CDK5RAP2: variants seen among roughly 807,000 people sequenced by gnomAD.
CDK5RAP2 encodes the protein CDK5 regulatory subunit associated protein 2, also known as CDK5 regulatory subunit-associated protein 2.
CDK5RAP2 carries 147 observed loss-of-function variants against 232.9 expected under a neutral mutation model. The ratio of observed to expected loss-of-function variants is 0.63; its 90% CI spans 0.55 to 0.72. CDK5RAP2 has a LOEUF of 0.72. CDK5RAP2 is among the 30% of genes least tolerant of loss of function. The probability of loss-of-function intolerance (pLI) is 0.00; values close to 1 mark genes in which losing one functional copy is unlikely to be tolerated. For synonymous variants in CDK5RAP2, 833 were observed against 833.7 expected, an observed-to-expected ratio of 1.00 and a Z score of 0.01; for missense variants, 2,195 against 2,231.5, an observed-to-expected ratio of 0.98 and a Z score of 0.33.
chr9:120,396,296 T>C (rs984591413), intron 35 of CDK5RAP2, among the ~76,000 whole-genome samples: 1 of 152,226 alleles, frequency 6.6e-6, no homozygotes, highest in African/African-American at 2.4e-5. Context: ...TAGGTTCTGG[T>C]CATGGCTCCA....
chr9:120,482,752 G>A (rs781213823), intron 14 of CDK5RAP2, among the ~76,000 whole-genome samples: 4 of 152,156 alleles, frequency 2.6e-5, no homozygotes, highest in Non-Finnish European at 5.9e-5. Context: ...AGGTAAGAGG[G>A]GAACTCAGAG....
chr9:120,561,151 A>G lies in CDK5RAP2; in HGVS notation c.195+7170T>C, dbSNP rs566271846. Among the ~76,000 whole-genome samples the G allele has an allele frequency of 5.3e-5, 8 of 152,306 alleles. No individual in the cohort carries two copies. In the South Asian group the frequency reaches 1.7e-3, roughly 32 times the overall value. ...TCTAGTAAACAATACTGCATGTAAG[A>G]TAATACTGCCTACAGCAGCTAAGTG... On this transcript the variant is annotated intron_variant, in intron 3 of 37. Coordinates refer to ENST00000349780, the MANE Select transcript of CDK5RAP2 (RefSeq NM_018249.6).
chr9:120,445,187 G>A (rs1162154425), intron 22 of CDK5RAP2, among the ~76,000 whole-genome samples: 2 of 152,188 alleles, frequency 1.3e-5, no homozygotes, highest in Non-Finnish European at 2.9e-5. Context: ...CAAAGTTGTG[G>A]TCATTTCTTT....
At chr9:120,514,394 G>C (rs753371698) in intron 12 of CDK5RAP2, among the ~76,000 whole-genome samples, 1 of 152,084 alleles carries the variant, frequency 6.6e-6, no homozygotes, top group Non-Finnish European at 1.5e-5. Flanking sequence ...ACACCCTTCT[G>C]CCAAGGCACA....
intron 3 of CDK5RAP2, among the ~76,000 whole-genome samples, chr9:120,563,288 G>C (rs774407093): frequency 1.3e-5 from 2 of 152,204 alleles, no homozygotes; most frequent in Admixed American, 6.5e-5. Flanking sequence ...TGTGTGGCTA[G>C]AGCAGTGTAC....
At chr9:120,409,451 A>C in intron 29 of CDK5RAP2, 135 bp from the exon 30 acceptor site, 1 of 718,786 alleles carries the variant, frequency 1.4e-6, no homozygotes, top group Middle Eastern at 2.9e-4. Context: ...CATTCCAATT[A>C]TCTTACACAC....
intron 35 of CDK5RAP2, among the ~76,000 whole-genome samples, chr9:120,396,787 C>T (rs1184922216): frequency 1.3e-5 from 2 of 152,216 alleles, no homozygotes; most frequent in African/African-American, 4.8e-5. Flanking sequence ...GTACTTACAA[C>T]AGGGAATTTT....
At chr9:120,421,408 G>GA (rs2131375640) in intron 26 of CDK5RAP2, among the ~76,000 whole-genome samples, 2 of 152,294 alleles carry the variant, frequency 1.3e-5, no homozygotes, top group Non-Finnish European at 2.9e-5. Flanking sequence ...GCTGCAATGG[G>GA]AGAAGAGTAT....
In CDK5RAP2 at chr9:120,407,155, C is replaced by T; in HGVS notation, c.4820G>A (p.Arg1607Lys). The T allele has an allele frequency of 1.2e-6, 2 of 1,614,054 alleles. No homozygotes were observed. Among genetic ancestry groups the T allele is most frequent in the East Asian group, 4.5e-5 (2 of 44,882 alleles). The change falls in exon 32 of 38, where the codon AGG becomes AAG. Residue 1607 changes from arginine to lysine, a missense_variant. By Grantham distance (26) the Arg-to-Lys change is conservative. Transcript: ENST00000349780. ...CAGAGTGCTGCTGGTTTCGATGCTC[C>T]TTTCTAGTTGCAAGCGCAGAGCCTG... is the stretch of plus-strand genomic sequence containing the variant. ...EIQALRLQLE[R>K]SIETSSTLQS...
rs886063391 is a variant in CDK5RAP2 at position 120,403,052 on chromosome 9, G to A, written c.5061C>T (p.Leu1687=). Residue 1687 remains leucine (L), a synonymous_variant, in exon 34 of 38, where the codon CTC becomes CTT. Transcript: ENST00000349780. The surrounding 1 kb of genome is among the most constrained non-coding windows in gnomAD (Gnocchi z 4.2). ...TPKSVSETPP[L]SGNDTDSLSC... is the part of the protein sequence containing the mutation. Reference sequence around the variant, plus strand: ...AGAGGGAGTCCGTGTCATTCCCAGAGAGTGGAGGAGTCTCTGAAACTGTAA... The same window carrying A: ...AGAGGGAGTCCGTGTCATTCCCAGAAAGTGGAGGAGTCTCTGAAACTGTAA... 1.2e-6 allele frequency: 2 copies of A among 1,614,022 alleles called. No homozygotes were observed. Among genetic ancestry groups the A allele is most frequent in the South Asian group, 1.1e-5 (1 of 91,076 alleles).
At chr9:120,512,634 A>C (rs766348287) in intron 12 of CDK5RAP2, among the ~76,000 whole-genome samples, 1 of 152,206 alleles carries the variant, frequency 6.6e-6, no homozygotes, top group Admixed American at 6.5e-5. Context: ...TATTCTCAAC[A>C]TAATTACTGA....
At chr9:120,530,424 C>T (rs1170521511) in intron 7 of CDK5RAP2, among the ~76,000 whole-genome samples, 1 of 152,192 alleles carries the variant, frequency 6.6e-6, no homozygotes. Flanking sequence ...TCCCCACCAA[C>T]AGCAGTGGAC....
rs1019369535 is a variant in CDK5RAP2 at position 120,514,578 on chromosome 9, G to C, written c.1311+3849C>G. Among the ~76,000 whole-genome samples, 19 of 152,306 alleles carry C rather than the reference G, an allele frequency of 1.2e-4. No individual in the cohort carries two copies. In the East Asian group the frequency reaches 2.5e-3, roughly 20 times the overall value. ...GTCCAGCCACTTGGAACTGTAGTAT[G>C]GATGCAAGAAAAAGAAGCCAGCTCT... On this transcript the variant is annotated intron_variant, in intron 12 of 37. Transcript: ENST00000349780.
chr9:120,576,743 T>G, intron 1 of CDK5RAP2, among the ~76,000 whole-genome samples: 1 of 151,338 alleles, frequency 6.6e-6, no homozygotes, highest in Non-Finnish European at 1.5e-5. Context: ...ACCTACCATG[T>G]CACACCCAAA....
At chr9:120,547,855 G>A (rs1213436152) in intron 4 of CDK5RAP2, among the ~76,000 whole-genome samples, 9 of 152,214 alleles carry the variant, frequency 5.9e-5, no homozygotes, top group Non-Finnish European at 1.5e-5. Flanking sequence ...AAGCACCTGT[G>A]ATGGACCAAC....
chr9:120,521,290 C>T (rs945087575), intron 11 of CDK5RAP2, among the ~76,000 whole-genome samples: 8 of 152,162 alleles, frequency 5.3e-5, no homozygotes, highest in East Asian at 1.9e-4. Context: ...GATTTTGCAA[C>T]GCACAAACAG....
At chr9:120,515,573 T>C (rs1242687524) in intron 12 of CDK5RAP2, among the ~76,000 whole-genome samples, 1 of 152,142 alleles carries the variant, frequency 6.6e-6, no homozygotes, top group Non-Finnish European at 1.5e-5. Context: ...TTTAATAACA[T>C]GCAATAAACT....
chr9:120,409,139 T>C lies in CDK5RAP2; in HGVS notation c.4592A>G (p.Gln1531Arg). ...GCACAGCCACTACCTGCTCAGCTCC[T>C]GGCCGCTGCAGCGGACCTCCTGGAT... ...QLIQEVRCSG[Q>R]ELSRVQEEVK... Residue 1531 changes from glutamine (Q) to arginine (R), a missense_variant, in exon 30 of 38, where the codon CAG becomes CGG. Gln to Arg is a conservative substitution (Grantham distance 43). Coordinates refer to ENST00000349780, the MANE Select transcript of CDK5RAP2 (RefSeq NM_018249.6). The C allele has an allele frequency of 1.2e-6, 2 of 1,612,022 alleles. No individual in the cohort carries two copies. The highest frequency in any genetic ancestry group is 1.7e-6 in the Non-Finnish European group (2 of 1,179,966).
In CDK5RAP2 at chr9:120,447,928, C is replaced by T. The variant is rs1279004388; in HGVS notation, c.2992G>A (p.Gly998Arg). ...AACGTTTTGTCGGGCGTTGGCCTCC[C>T]CTCCATCACTGCTTCAGCCAGAATT... ...KLILAEAVMEGRPTPDKTLLN... is the reference protein window; with the variant it reads ...KLILAEAVMERRPTPDKTLLN... Residue 998 changes from glycine (G) to arginine (R), a missense_variant, in exon 22 of 38, where the codon GGG becomes AGG. By Grantham distance (125) the Gly-to-Arg change is moderately radical. Transcript: ENST00000349780. 10 of 1,614,166 alleles carry T rather than the reference C, an allele frequency of 6.2e-6. No homozygotes were observed. Among genetic ancestry groups the T allele is most frequent in the Non-Finnish European group, 8.5e-6 (10 of 1,180,024 alleles).
Sources: gnomAD v4.1 joint callset for allele counts (sites outside exome capture counted in the v4.1 genomes callset) on GRCh38, gnomAD v4.1.1 for gene constraint, Gnocchi (gnomAD v3.1) non-coding constraint, MANE v1.5 for transcripts, NCBI Gene and HGNC (gene_info 2026-07-23, HGNC 2026-07-21) for gene names.